The following CD6 variants were observed in gnomAD, a reference collection of about 807,000 sequenced individuals.
CD6 encodes T-cell differentiation antigen CD6.
A neutral mutation model predicts 75.3 loss-of-function variants in CD6; 53 were observed. That is an observed-to-expected ratio of 0.70 (90% confidence interval 0.56 to 0.88). The LOEUF (loss-of-function observed/expected upper bound fraction) is 0.88. Among genes scored for constraint, CD6 ranks in the 40% least tolerant of loss-of-function variants. The probability of loss-of-function intolerance (pLI) is 0.00; values close to 1 mark genes in which losing one functional copy is unlikely to be tolerated. For missense variants in CD6, 770 were observed against 897.1 expected, an observed-to-expected ratio of 0.86 and a Z score of 1.81; for synonymous variants, 359 against 381.5, an observed-to-expected ratio of 0.94 and a Z score of 0.69.
At chr11:60,979,901 C>A (rs911218368) in intron 1 of CD6, among the ~76,000 whole-genome samples, 1 of 152,196 alleles carries the variant, frequency 6.6e-6, no homozygotes, top group African/African-American at 2.4e-5. Context: ...AGCACCACCC[C>A]GGGATAGGTG....
chr11:61,018,338 C>G lies in CD6; in HGVS notation c.1887C>G (p.Tyr629Ter). The change falls in exon 12 of 13, where the codon TAC becomes TAG. Residue 629 changes from tyrosine (Y) to a stop codon, truncating the protein, a stop_gained. Transcript: ENST00000313421. LOFTEE classifies it high-confidence loss of function. ...DSSSTSSGEWYQNFQPPPQPP... is the reference protein window; with the variant it reads ...DSSSTSSGEW ...CCAGCACCTCATCCGGGGAGTGGTA[C>G]CAGAACTTCCAGCCACCACCCCAGC... The G allele has an allele frequency of 1.2e-6, 2 of 1,608,220 alleles. No homozygotes were observed. Among genetic ancestry groups the G allele is most frequent in the Admixed American group, 1.7e-5 (1 of 59,482 alleles).
intron 1 of CD6, among the ~76,000 whole-genome samples, chr11:61,001,592 C>A (rs1012831923): frequency 1.0e-4 from 15 of 146,002 alleles, no homozygotes; most frequent in Non-Finnish European, 2.0e-4. Flanking sequence ...TCATATAAAT[C>A]GTCCCTTTAG....
intron 11 of CD6, 132 bp downstream of exon 11, chr11:61,018,145 A>G: frequency 7.6e-7 from 1 of 1,318,586 alleles, no homozygotes; most frequent in South Asian, 1.4e-5. Context: ...GTGCCCTTGG[A>G]CACATCTCCC....
chr11:61,011,178 C>CGTGT (rs10528068), intron 6 of CD6, 43 bp downstream of exon 6: 183,215 of 893,102 alleles, frequency 0.21, 6,130 homozygotes, highest in Middle Eastern at 0.31. Context: ...GAAGCTTGGA[C>CGTGT]GTGTGTGTGT....
intron 1 of CD6, among the ~76,000 whole-genome samples, chr11:60,972,620 C>A (rs1711913244): frequency 6.6e-6 from 1 of 152,164 alleles, no homozygotes; most frequent in Non-Finnish European, 1.5e-5. Flanking sequence ...CAGAGCGGGG[C>A]AGGGGCCTGG....
intron 1 of CD6, among the ~76,000 whole-genome samples, chr11:60,999,730 T>G (rs1329611051): frequency 6.6e-6 from 1 of 152,120 alleles, no homozygotes; most frequent in East Asian, 1.9e-4. Context: ...GGTTTTTATT[T>G]GTTTGTTTTT....
rs117227597 is a variant in CD6, at chr11:60,992,717, A to G, written c.50-13857A>G. Among the ~76,000 whole-genome samples the G allele has an allele frequency of 8.6e-3, 1,311 of 152,212 alleles. 16 individuals are homozygous for G. The highest frequency in any genetic ancestry group is 0.01 in the Non-Finnish European group (702 of 67,998). On this transcript the variant is annotated intron_variant, in intron 1 of 12. Transcript: ENST00000313421. ...GTGGCGTGCACCTGTAATCCCAGCT[A>G]TTAGGGAGACTGAGGCAGGAGAATC...
chr11:60,982,546 A>G (rs541464157), intron 1 of CD6: 6 of 455,498 alleles, frequency 1.3e-5, no homozygotes, highest in African/African-American at 6.0e-5. Flanking sequence ...GAAGCCCCCC[A>G]GGCCTGGAGG....
chr11:61,010,920 A>C, intron 5 of CD6, 150 bp from the exon 6 acceptor site: 1 of 650,446 alleles, frequency 1.5e-6, no homozygotes, highest in Non-Finnish European at 2.8e-6. Context: ...TAGGGGAGGG[A>C]GGTAAGTTTC....
intron 1 of CD6, among the ~76,000 whole-genome samples, chr11:60,988,591 T>C (rs1181633800): frequency 6.6e-6 from 1 of 152,164 alleles, no homozygotes; most frequent in African/African-American, 2.4e-5. Flanking sequence ...CCAAGGAGAC[T>C]TTCTGGTCCC....
At chr11:61,005,873 G>T (rs1858826395) in intron 1 of CD6, among the ~76,000 whole-genome samples, 1 of 151,768 alleles carries the variant, frequency 6.6e-6, no homozygotes, top group African/African-American at 2.4e-5. Context: ...GGAGGTTGCG[G>T]TGAGCCGAGA....
intron 1 of CD6, among the ~76,000 whole-genome samples, chr11:60,981,272 A>G (rs773583465): frequency 9.9e-5 from 15 of 152,110 alleles, no homozygotes; most frequent in Non-Finnish European, 2.1e-4. Context: ...AGAGAGATAA[A>G]GTGACTTTTC....
intron 6 of CD6, among the ~76,000 whole-genome samples, chr11:61,011,473 G>T (rs1859151428): frequency 6.6e-6 from 1 of 152,214 alleles, no homozygotes; most frequent in Admixed American, 6.5e-5. Context: ...CGGGGCAGCA[G>T]GGGGAGGGTG....
chr11:61,009,899 C>T (rs76912448), intron 5 of CD6, 25 bp downstream of exon 5: 5 of 1,520,598 alleles, frequency 3.3e-6, no homozygotes, highest in African/African-American at 2.8e-5. Flanking sequence ...TCCACCCCCC[C>T]AGATTTGAGC....
rs751653190 is a variant in CD6 at position 61,014,028 on chromosome 11, C to G, written c.1387+14C>G. The G allele has an allele frequency of 6.3e-7, 1 of 1,598,616 alleles. No homozygotes were observed. Among genetic ancestry groups the G allele is most frequent in the South Asian group, 1.1e-5 (1 of 89,930 alleles). On this transcript the variant is annotated intron_variant, in intron 8 of 12. Transcript: ENST00000313421. ...TCCCCAAAGAAGGTAGGATGTCCCC[C>G]ATCCTGGGTGTGGGAGGGCTGGGGA...
chr11:60,989,787 GA>G (rs749961307), intron 1 of CD6, among the ~76,000 whole-genome samples: 4 of 152,148 alleles, frequency 2.6e-5, no homozygotes, highest in Non-Finnish European at 5.9e-5. Flanking sequence ...TATTGTCCCA[GA>G]AAGTTCCTTG....
At chr11:60,975,985 C>A (rs570116168) in intron 1 of CD6, among the ~76,000 whole-genome samples, 2 of 152,194 alleles carry the variant, frequency 1.3e-5, no homozygotes, top group South Asian at 4.1e-4. Flanking sequence ...GCTTTTAGAA[C>A]TAAAAAACTA....
At chr11:60,992,394 C>T (rs1190534621) in intron 1 of CD6, among the ~76,000 whole-genome samples, 1 of 151,744 alleles carries the variant, frequency 6.6e-6, no homozygotes, top group African/African-American at 2.4e-5. Context: ...AAGAGATTCG[C>T]CCAGGGTCAC....
At chr11:61,015,888 GC>G in intron 9 of CD6, 53 bp downstream of exon 9, 1 of 1,605,670 alleles carries the variant, frequency 6.2e-7, no homozygotes, top group Non-Finnish European at 8.5e-7. Context: ...CTGGGAGGGG[GC>G]CCCGAGGGGA....
Sources: allele counts gnomAD v4.1 joint callset (sites outside exome capture counted in the v4.1 genomes callset), GRCh38; gene constraint gnomAD v4.1.1; transcripts MANE v1.5; gene names NCBI Gene and HGNC (gene_info 2026-07-23, HGNC 2026-07-21).